The following TAFA1 variants were observed in gnomAD, a reference collection of about 807,000 sequenced individuals.
TAFA1 encodes TAFA chemokine like family member 1, also known as chemokine-like protein TAFA-1.
TAFA1 carries 4 observed loss-of-function variants against 18.5 expected under a neutral mutation model. The observed-to-expected ratio is 0.22, with a 90% CI of 0.11 to 0.49. The LOEUF is 0.49. Ranked by LOEUF, TAFA1 falls within the 20% of genes least tolerant of loss-of-function variation. TAFA1 has a pLI of 0.98. For synonymous variants in TAFA1, 56 were observed against 55.2 expected (o/e 1.01, Z -0.06); for missense variants, 147 against 169.0 (o/e 0.87, Z 0.72).
At chr3:68,405,151 AGTTT>A (rs2070573466) in intron 2 of TAFA1, among the ~76,000 whole-genome samples, 1 of 152,044 alleles carries the variant, frequency 6.6e-6, no homozygotes, top group African/African-American at 2.4e-5. Flanking sequence ...TTCATAAAGG[AGTTT>A]GTTTGTAATC....
chr3:68,448,039 C>G (rs2071501122), intron 3 of TAFA1, among the ~76,000 whole-genome samples: 1 of 152,120 alleles, frequency 6.6e-6, no homozygotes, highest in Non-Finnish European at 1.5e-5. Flanking sequence ...GAAGTGAGCT[C>G]AGGAATTCTG....
intron 2 of TAFA1, among the ~76,000 whole-genome samples, chr3:68,299,971 C>A (rs949973231): frequency 4.6e-5 from 7 of 152,212 alleles, no homozygotes; most frequent in African/African-American, 1.4e-4. Context: ...AGGGGCAGAA[C>A]CCTCATGGAG....
chr3:68,516,335 A>G (rs1315528546), intron 3 of TAFA1, among the ~76,000 whole-genome samples: 1 of 152,232 alleles, frequency 6.6e-6, no homozygotes, highest in African/African-American at 2.4e-5. Context: ...GTCTTAAGAT[A>G]CTAGATTGAT....
intron 2 of TAFA1, among the ~76,000 whole-genome samples, chr3:68,078,345 A>G (rs1482719477): frequency 5.3e-5 from 8 of 151,902 alleles, no homozygotes; most frequent in Non-Finnish European, 8.8e-5. Context: ...TTCCAACACT[A>G]TGTTGAATAG....
chr3:68,058,597 G>C (rs2064563591), intron 2 of TAFA1, among the ~76,000 whole-genome samples: 1 of 152,134 alleles, frequency 6.6e-6, no homozygotes, highest in Admixed American at 6.5e-5. Context: ...GTTCTTCACT[G>C]CTGAGTCAAT....
At chr3:68,444,260 G>A (rs115172962) in intron 3 of TAFA1, among the ~76,000 whole-genome samples, 1,743 of 152,210 alleles carry the variant, frequency 0.011, 41 homozygotes, top group South Asian at 0.037. Context: ...AGTCTTTTGG[G>A]TAAAATAGTT....
chr3:68,151,677 C>A (rs2065808263), intron 2 of TAFA1, among the ~76,000 whole-genome samples: 1 of 152,120 alleles, frequency 6.6e-6, no homozygotes, highest in Non-Finnish European at 1.5e-5. Context: ...ATAATTAACC[C>A]CCTTCTGTGA....
chr3:68,080,625 A>G (rs1247963476), intron 2 of TAFA1, among the ~76,000 whole-genome samples: 1 of 152,114 alleles, frequency 6.6e-6, no homozygotes, highest in Non-Finnish European at 1.5e-5. Context: ...TTTCTTTAAG[A>G]ATGTTGAATA....
intron 3 of TAFA1, among the ~76,000 whole-genome samples, chr3:68,537,038 A>C (rs2106786115): frequency 6.6e-6 from 1 of 152,200 alleles, no homozygotes; most frequent in South Asian, 2.1e-4. Flanking sequence ...TAGGCGATAA[A>C]CCCTAATGCT....
At chr3:68,471,220 G>A (rs1444085683) in intron 3 of TAFA1, among the ~76,000 whole-genome samples, 1 of 152,234 alleles carries the variant, frequency 6.6e-6, no homozygotes, top group Non-Finnish European at 1.5e-5. Flanking sequence ...CCAGGCAGAA[G>A]TTTGCTGCAG....
At chr3:68,197,506 GAC>G (rs2066425424) in intron 2 of TAFA1, among the ~76,000 whole-genome samples, 1 of 151,558 alleles carries the variant, frequency 6.6e-6, no homozygotes, top group African/African-American at 2.4e-5. Context: ...CAGAATTCAG[GAC>G]CACGGTGGCT....
chr3:68,411,381 G>A (rs1483096797), intron 2 of TAFA1, among the ~76,000 whole-genome samples: 1 of 152,114 alleles, frequency 6.6e-6, no homozygotes, highest in Non-Finnish European at 1.5e-5. Context: ...ATTTGATCAT[G>A]CAAAAATCCA....
At chr3:68,145,405 A>C in intron 2 of TAFA1, 1 of 848,728 alleles carries the variant, frequency 1.2e-6, no homozygotes, top group Non-Finnish European at 2.1e-6. Context: ...ATGATTTTGC[A>C]GCCTTTGTTG....
At chr3:68,163,230 C>T (rs777221953) in intron 2 of TAFA1, among the ~76,000 whole-genome samples, 15 of 152,098 alleles carry the variant, frequency 9.9e-5, no homozygotes, top group East Asian at 3.9e-4. Context: ...TAAGTACTGA[C>T]GATGGTGAAA....
chr3:68,267,950 A>T (rs2067581031), intron 2 of TAFA1, among the ~76,000 whole-genome samples: 1 of 152,180 alleles, frequency 6.6e-6, no homozygotes, highest in African/African-American at 2.4e-5. Flanking sequence ...ACTGGCAAAG[A>T]TAACTTAGTT....
chr3:68,224,982 C>T (rs1488443310), intron 2 of TAFA1, among the ~76,000 whole-genome samples: 2 of 136,276 alleles, frequency 1.5e-5, no homozygotes, highest in Non-Finnish European at 3.1e-5. Context: ...GATCTCAGCT[C>T]ACTGCAACCT....
chr3:68,386,858 T>C lies in TAFA1; in HGVS notation c.119-30422T>C, dbSNP rs537084135. Among the ~76,000 whole-genome samples, 3 of 152,212 alleles carry C rather than the reference T, an allele frequency of 2.0e-5. No homozygotes were observed. In the South Asian group the frequency reaches 6.2e-4, roughly 32 times the overall value. On this transcript the variant is annotated intron_variant, in intron 2 of 4. Transcript: ENST00000478136. ...TGATTCATTTTTGAAATATATTATA[T>C]GCATAAGAATTAGGTCCTAGGAACA...
intron 3 of TAFA1, among the ~76,000 whole-genome samples, chr3:68,479,726 A>G (rs1285454779): frequency 6.6e-6 from 1 of 152,174 alleles, no homozygotes; most frequent in Non-Finnish European, 1.5e-5. Flanking sequence ...TCTCTGCAGG[A>G]GGCTGTGATA....
At chr3:68,308,612 A>C (rs761043028) in intron 2 of TAFA1, among the ~76,000 whole-genome samples, 1 of 152,198 alleles carries the variant, frequency 6.6e-6, no homozygotes, top group Non-Finnish European at 1.5e-5. Flanking sequence ...TGCACTTTAT[A>C]GTCAACAATA....
Sources: allele counts gnomAD v4.1 joint callset (sites outside exome capture counted in the v4.1 genomes callset), GRCh38; gene constraint gnomAD v4.1.1; transcripts MANE v1.5; gene names NCBI Gene and HGNC (gene_info 2026-07-23, HGNC 2026-07-21).